OMA1: variants seen among roughly 807,000 people sequenced by gnomAD.
The protein encoded by OMA1 is OMA1 zinc metallopeptidase.
OMA1 carries 38 observed loss-of-function variants against 30.9 expected under a neutral mutation model. The observed-to-expected ratio is 1.23, with a 90% CI of 0.95 to 1.61. The LOEUF (loss-of-function observed/expected upper bound fraction) is 1.61. Among genes scored for constraint, OMA1 ranks in the 40% most tolerant of loss-of-function variants. The pLI is 0.00. For synonymous variants in OMA1, 173 were observed against 121.9 expected, an observed-to-expected ratio of 1.42 and a Z score of -2.76; for missense variants, 461 against 349.2, an observed-to-expected ratio of 1.32 and a Z score of -2.55.
chr1:58,520,401 T>C (rs1022428042), intron 7 of OMA1, among the ~76,000 whole-genome samples: 4 of 151,966 alleles, frequency 2.6e-5, no homozygotes, highest in Admixed American at 6.6e-5. Context: ...AATTTGAAAA[T>C]GGGAAAAATA....
intron 8 of OMA1, among the ~76,000 whole-genome samples, chr1:58,489,871 A>C (rs1645647796): frequency 6.6e-6 from 1 of 152,258 alleles, no homozygotes; most frequent in African/African-American, 2.4e-5. Context: ...ACAGACCTGC[A>C]GCTGAGGGTC....
intron 8 of OMA1, among the ~76,000 whole-genome samples, chr1:58,502,834 A>T (rs570583108): frequency 6.6e-6 from 1 of 152,326 alleles, no homozygotes; most frequent in African/African-American, 2.4e-5. Flanking sequence ...ATTACTTTCA[A>T]ATTGAATTTA....
intron 8 of OMA1, among the ~76,000 whole-genome samples, chr1:58,488,879 T>C (rs1429004323): frequency 6.6e-6 from 1 of 152,254 alleles, no homozygotes; most frequent in East Asian, 1.9e-4. Flanking sequence ...ACATAACATT[T>C]TTATATTATG....
At chr1:58,537,271 G>C (rs2100489715) in intron 2 of OMA1, among the ~76,000 whole-genome samples, 1 of 152,202 alleles carries the variant, frequency 6.6e-6, no homozygotes, top group South Asian at 2.1e-4. Context: ...AATTATGTAA[G>C]AGGTTACAGT....
At chr1:58,501,104 T>C (rs186102228) in intron 8 of OMA1, among the ~76,000 whole-genome samples, 57 of 152,292 alleles carry the variant, frequency 3.7e-4, no homozygotes, top group African/African-American at 1.3e-3. Flanking sequence ...TTCAAGTAAA[T>C]AGAATTATAA....
At chr1:58,514,740 C>T (rs1646133936) in intron 7 of OMA1, among the ~76,000 whole-genome samples, 1 of 152,002 alleles carries the variant, frequency 6.6e-6, no homozygotes, top group Non-Finnish European at 1.5e-5. Context: ...GTAAAGGGAC[C>T]AAAACAGATA....
At chr1:58,500,658 C>G (rs1645891806) in intron 8 of OMA1, among the ~76,000 whole-genome samples, 1 of 151,994 alleles carries the variant, frequency 6.6e-6, no homozygotes, top group Non-Finnish European at 1.5e-5. Flanking sequence ...AAAAATATAT[C>G]CTATTCAAAT....
Position 58,536,731 on chromosome 1 carries a change from T to C in OMA1, c.511A>G (p.Lys171Glu), listed in dbSNP as rs559703243. The C allele has an allele frequency of 3.4e-6, 3 of 872,152 alleles. No homozygotes were observed. In the African/African-American group the frequency reaches 4.9e-5, roughly 14 times the overall value. The allele number at this position is 872,152 out of a possible 1,614,324, so 54.0% of individuals were successfully genotyped here. Residue 171 changes from lysine to glutamate, a missense_variant, in exon 3 of 9, where the codon AAA becomes GAA. Transcript: ENST00000371226. ...FAIIVGRGIR[K>E]WWQALPPNKK... ...TTAGGAGGAAGTGCCTGCCACCATT[T>C]CCTTATGCCCCTAAAGCAAAAAGAA...
intron 8 of OMA1, among the ~76,000 whole-genome samples, chr1:58,485,601 TTTC>T (rs1645563610): frequency 6.6e-6 from 1 of 152,258 alleles, no homozygotes; most frequent in East Asian, 1.9e-4. Flanking sequence ...TAACTTATTT[TTTC>T]TTTTTTCCTT....
intron 8 of OMA1, among the ~76,000 whole-genome samples, chr1:58,502,984 G>C (rs1320438930): frequency 6.6e-6 from 1 of 152,006 alleles, no homozygotes; most frequent in Non-Finnish European, 1.5e-5. Context: ...TGTTTCTCTA[G>C]CCATTTTTCT....
At chr1:58,530,917 C>G (rs1042399182) in intron 5 of OMA1, among the ~76,000 whole-genome samples, 188 bp from the exon 6 acceptor site, 2 of 152,080 alleles carry the variant, frequency 1.3e-5, no homozygotes. Context: ...ACTTATATAC[C>G]TATTCATTCA....
rs117043087 is a variant in OMA1 at position 58,530,586 on chromosome 1, T to C, written c.1140+15A>G. On this transcript the variant is annotated intron_variant, in intron 6 of 8. Coordinates refer to ENST00000371226, the MANE Select transcript of OMA1 (RefSeq NM_145243.5). ...CAGAGGCTATGATCAATTCAAGTTA[T>C]TGTCTCAGACTTACCTCCTGCAATT... 1.2e-6 allele frequency: 1 copy of C among 867,328 alleles called. No individual in the cohort carries two copies. The highest frequency in any genetic ancestry group is 2.4e-5 in the East Asian group (1 of 41,606). The allele number at this position is 867,328 out of a possible 1,614,324, so 53.7% of individuals were successfully genotyped here.
chr1:58,530,917 C>T (rs1042399182), intron 5 of OMA1, among the ~76,000 whole-genome samples, 188 bp from the exon 6 acceptor site: 1 of 151,964 alleles, frequency 6.6e-6, no homozygotes, highest in Non-Finnish European at 1.5e-5. Flanking sequence ...ACTTATATAC[C>T]TATTCATTCA....
chr1:58,484,907 G>A (rs1033226533), intron 8 of OMA1, among the ~76,000 whole-genome samples: 1 of 152,040 alleles, frequency 6.6e-6, no homozygotes, highest in African/African-American at 2.4e-5. Context: ...TAGGGGGAGG[G>A]AGGAATGAGT....
intron 7 of OMA1, among the ~76,000 whole-genome samples, chr1:58,511,266 G>A (rs1178335575): frequency 1.3e-5 from 2 of 152,118 alleles, no homozygotes; most frequent in Non-Finnish European, 2.9e-5. Flanking sequence ...AGTATTAGCA[G>A]AAAGATAACC....
chr1:58,507,676 T>C (rs1055833033), intron 7 of OMA1, among the ~76,000 whole-genome samples: 3 of 152,058 alleles, frequency 2.0e-5, no homozygotes, highest in African/African-American at 7.2e-5. Flanking sequence ...CATATCTATA[T>C]ATGCAAGATG....
At chr1:58,483,001 A>G (rs932166536) in intron 8 of OMA1, among the ~76,000 whole-genome samples, 3 of 152,250 alleles carry the variant, frequency 2.0e-5, no homozygotes, top group Non-Finnish European at 4.4e-5. Flanking sequence ...CAGTAAGTCA[A>G]GCTAATACAC....
intron 7 of OMA1, among the ~76,000 whole-genome samples, chr1:58,526,407 T>C (rs1646350427): frequency 1.3e-5 from 2 of 152,196 alleles, no homozygotes; most frequent in East Asian, 3.9e-4. Flanking sequence ...AATTAAAACT[T>C]GAATTTAATA....
chr1:58,489,409 T>C (rs779718584), intron 8 of OMA1, among the ~76,000 whole-genome samples: 10 of 152,300 alleles, frequency 6.6e-5, no homozygotes, highest in Non-Finnish European at 5.9e-5. Flanking sequence ...GTGCCTGCCA[T>C]TGCCGAGGCT....
Sources: allele counts gnomAD v4.1 joint callset (sites outside exome capture counted in the v4.1 genomes callset), GRCh38; gene constraint gnomAD v4.1.1; transcripts MANE v1.5; gene names NCBI Gene and HGNC (gene_info 2026-07-23, HGNC 2026-07-21).